MTAP: variants seen among roughly 807,000 people sequenced by gnomAD.
The protein encoded by MTAP is S-methyl-5'-thioadenosine phosphorylase.
A neutral mutation model predicts 33.6 loss-of-function variants in MTAP; 33 were observed. The observed-to-expected ratio is 0.98, with a 90% confidence interval of 0.74 to 1.31. The LOEUF is 1.31. Among genes scored for constraint, MTAP ranks in the 40% most tolerant of loss-of-function variants. MTAP has a pLI of 0.00. For missense variants in MTAP, 367 were observed against 360.0 expected, an observed-to-expected ratio of 1.02 and a Z score of -0.16; for synonymous variants, 148 against 125.7, an observed-to-expected ratio of 1.18 and a Z score of -1.19.
chr9:21,910,479 A>T (rs978464938), intron 1 of MTAP, among the ~76,000 whole-genome samples: 2 of 152,188 alleles, frequency 1.3e-5, no homozygotes, highest in Admixed American at 6.5e-5. Context: ...TCTTTGAGGA[A>T]GATTCCAGCT....
chr9:21,913,811 C>A (rs112029123), intron 1 of MTAP, among the ~76,000 whole-genome samples: 32 of 152,120 alleles, frequency 2.1e-4, no homozygotes, highest in African/African-American at 7.7e-4. Flanking sequence ...TTCTGCACAG[C>A]GAAAGAAACT....
chr9:21,935,665 G>A (rs1490727280), downstream of MTAP: 1 of 151,814 alleles, frequency 6.6e-6, no homozygotes, highest in Non-Finnish European at 1.5e-5. Flanking sequence ...TCTTCCTTTT[G>A]GTTGAGTTTT....
rs1256576187 is a variant in MTAP at position 21,863,055 on chromosome 9, A to T, written c.*1041A>T. On this transcript the variant is annotated 3_prime_UTR_variant, in exon 8 of 8. Coordinates refer to ENST00000644715, the MANE Select transcript of MTAP (RefSeq NM_002451.4). ...CATCTTTATTCTGCTAAAGAAGAGG[A>T]TCATTGATTTCTGTACAGTCAGAAC... 1.0e-6 allele frequency: 1 copy of T among 985,312 alleles called. No individual in the cohort carries two copies. Among genetic ancestry groups the T allele is most frequent in the African/African-American group, 1.7e-5 (1 of 57,252 alleles). 61.0% of individuals were successfully genotyped at this position (985,312 alleles called of 1,614,324 possible). A position where few individuals can be genotyped will look rare whatever the true frequency, so the allele number is the denominator to read the frequency against.
At chr9:21,901,890 G>A (rs1040243009) in intron 1 of MTAP, among the ~76,000 whole-genome samples, 2 of 152,206 alleles carry the variant, frequency 1.3e-5, no homozygotes, top group Non-Finnish European at 2.9e-5. Context: ...CTATGATCAA[G>A]TTCCAAATTT....
At chr9:21,821,896 G>C (rs965525960) in intron 4 of MTAP, among the ~76,000 whole-genome samples, 6 of 152,160 alleles carry the variant, frequency 3.9e-5, no homozygotes, top group African/African-American at 1.4e-4. Context: ...ATTTCTTCTA[G>C]ATTTTCTAGT....
chr9:21,940,596 T>C (rs1819121964), downstream of MTAP, among the ~76,000 whole-genome samples: 1 of 152,194 alleles, frequency 6.6e-6, no homozygotes, highest in Non-Finnish European at 1.5e-5. Context: ...TCCCTTGACC[T>C]CTTCCTCATG....
At chr9:21,923,090 C>A (rs1007874244) in intron 1 of MTAP, among the ~76,000 whole-genome samples, 2 of 152,174 alleles carry the variant, frequency 1.3e-5, no homozygotes, top group African/African-American at 4.8e-5. Context: ...ACGCAACTTC[C>A]TTCTCTACGT....
downstream of MTAP, chr9:21,931,328 G>A: frequency 1.8e-6 from 1 of 570,984 alleles, no homozygotes; most frequent in South Asian, 2.3e-5. Flanking sequence ...AAATGTTAGA[G>A]TAGGTAATTA....
chr9:21,831,566 G>C (rs1324819556), intron 4 of MTAP, among the ~76,000 whole-genome samples: 1 of 151,946 alleles, frequency 6.6e-6, no homozygotes, highest in Non-Finnish European at 1.5e-5. Context: ...GCCTCAAGCA[G>C]TCTTCCTGCT....
chr9:21,914,178 TG>T (rs1340109059), intron 1 of MTAP, among the ~76,000 whole-genome samples: 2 of 152,200 alleles, frequency 1.3e-5, no homozygotes, highest in African/African-American at 4.8e-5. Context: ...TTTACACTGT[TG>T]GTGGGACTGT....
At chr9:21,805,718 C>T (rs1824191822) in intron 1 of MTAP, among the ~76,000 whole-genome samples, 1 of 152,156 alleles carries the variant, frequency 6.6e-6, no homozygotes, top group South Asian at 2.1e-4. Flanking sequence ...GAGAGGACAC[C>T]ATCTATGAGC....
chr9:21,820,719 A>G (rs949440608), intron 4 of MTAP, among the ~76,000 whole-genome samples: 4 of 151,910 alleles, frequency 2.6e-5, no homozygotes, highest in Non-Finnish European at 4.4e-5. Flanking sequence ...TAAATTACCT[A>G]TGGCCATTTT....
intron 5 of MTAP, among the ~76,000 whole-genome samples, chr9:21,840,879 A>C (rs1825226026): frequency 6.6e-6 from 1 of 152,192 alleles, no homozygotes; most frequent in Non-Finnish European, 1.5e-5. Context: ...GGGGTAGCTC[A>C]CAGCCTGGGG....
At chr9:21,900,274 C>G (rs1818369213) in intron 1 of MTAP, among the ~76,000 whole-genome samples, 1 of 152,062 alleles carries the variant, frequency 6.6e-6, no homozygotes. Flanking sequence ...TATTTGTAAG[C>G]TATGCAACTG....
intron 1 of MTAP, among the ~76,000 whole-genome samples, chr9:21,904,461 T>G (rs1188802805): frequency 6.6e-6 from 1 of 152,134 alleles, no homozygotes; most frequent in Non-Finnish European, 1.5e-5. Flanking sequence ...TGCTCTTCCC[T>G]TCCCAGCACT....
chr9:21,903,144 C>A (rs10965178), intron 1 of MTAP, among the ~76,000 whole-genome samples: 13,105 of 152,052 alleles, frequency 0.086, 777 homozygotes, highest in Non-Finnish European at 0.13. Context: ...TTGAATGGGG[C>A]CTGCTTTGTT....
chr9:21,867,601 T>G (rs1389984816), downstream of MTAP, among the ~76,000 whole-genome samples: 3 of 152,148 alleles, frequency 2.0e-5, no homozygotes, highest in Non-Finnish European at 4.4e-5. Context: ...ATGAGACAGA[T>G]TGGTCTGTGA....
chr9:21,883,520 A>G (rs565270332), intron 1 of MTAP, among the ~76,000 whole-genome samples: 13 of 152,160 alleles, frequency 8.5e-5, no homozygotes, highest in Admixed American at 5.2e-4. Flanking sequence ...TCTGGATCCA[A>G]TCAGGAGATA....
rs527370541 is a variant in MTAP at position 21,818,263 on chromosome 9, C to T, written c.347+61C>T. On this transcript the variant is annotated intron_variant, in intron 4 of 7. Transcript: ENST00000644715. ...GCTGGTCATTTTCAGCTCAAATGGA[C>T]GACGCGTGGGAACCGGCAGGGCAAC... is the stretch of plus-strand genomic sequence containing the variant. The T allele has an allele frequency of 1.6e-4, 242 of 1,495,478 alleles. 1 individual carries two copies. The highest frequency in any genetic ancestry group is 9.0e-4 in the Admixed American group (48 of 53,336). The allele number at this position is 1,495,478 out of a possible 1,614,324, so 92.6% of individuals were successfully genotyped here.
Sources: gnomAD v4.1 joint callset for allele counts (sites outside exome capture counted in the v4.1 genomes callset) on GRCh38, gnomAD v4.1.1 for gene constraint, MANE v1.5 for transcripts, NCBI Gene and HGNC (gene_info 2026-07-23, HGNC 2026-07-21) for gene names.